Variants in TEK observed in about 807,000 individuals in gnomAD.
TEK encodes the protein TEK receptor tyrosine kinase.
In TEK, 43 loss-of-function variants were observed where a neutral mutation model predicts 131.8. The observed-to-expected ratio is 0.33, with a 90% CI of 0.26 to 0.42. TEK has a LOEUF of 0.42. TEK is among the 10% of genes least tolerant of loss of function. The probability of loss-of-function intolerance (pLI) is 1.00; values close to 1 mark genes in which losing one functional copy is unlikely to be tolerated. For missense variants in TEK, 1,162 were observed against 1,384.4 expected (o/e 0.84, Z 2.55); for synonymous variants, 580 against 491.6 (o/e 1.18, Z -2.38).
chr9:27,139,883 A>G (rs906150623), intron 1 of TEK, among the ~76,000 whole-genome samples: 8 of 152,178 alleles, frequency 5.3e-5, no homozygotes, highest in Non-Finnish European at 1.0e-4. Flanking sequence ...TTGTTAAAAG[A>G]GTGAAATAAT....
intron 12 of TEK, among the ~76,000 whole-genome samples, chr9:27,201,313 CTT>C (rs762972108): frequency 3.3e-5 from 5 of 152,144 alleles, no homozygotes; most frequent in Non-Finnish European, 5.9e-5. Context: ...TTCTAACAAG[CTT>C]CTAAAAGACA....
At chr9:27,217,369 C>G (rs907666245) in intron 18 of TEK, among the ~76,000 whole-genome samples, 1 of 152,162 alleles carries the variant, frequency 6.6e-6, no homozygotes, top group South Asian at 2.1e-4. Flanking sequence ...TAAATTCTCA[C>G]TCAGTGTCTA....
rs368257484 is a variant in TEK, at chr9:27,116,234, G to A, written c.52+6592G>A. On this transcript the variant is annotated intron_variant, in intron 1 of 22. Coordinates refer to ENST00000380036, the MANE Select transcript of TEK (RefSeq NM_000459.5). ...CCATTCAGTGTGCTGAATGGAGGTG[G>A]GCTGGGATAAGGCAAATAATTATTT... Among the ~76,000 whole-genome samples, 4 of 152,268 alleles carry A rather than the reference G, an allele frequency of 2.6e-5. No individual in the cohort carries two copies. In the East Asian group the frequency reaches 7.7e-4, roughly 29 times the overall value.
chr9:27,174,533 A>T (rs1208439980), intron 6 of TEK, among the ~76,000 whole-genome samples: 1 of 152,204 alleles, frequency 6.6e-6, no homozygotes, highest in Non-Finnish European at 1.5e-5. Context: ...TCCCTTTTTC[A>T]TAGTAAGTCT....
In TEK at chr9:27,209,190, A is replaced by C; in HGVS notation, c.2645A>C (p.His882Pro). ...GAAGTTCTTTGTAAACTTGGACACCATCCAAACATCATCAATCTCTTAGGA... is the reference window on the plus strand; with the variant it reads ...GAAGTTCTTTGTAAACTTGGACACCCTCCAAACATCATCAATCTCTTAGGA... ...ELEVLCKLGH[H>P]PNIINLLGAC... is the part of the protein sequence containing the mutation. The change falls in exon 16 of 23, where the codon CAT (histidine) becomes CCT (proline). Residue 882 changes from histidine to proline, a missense_variant. Physicochemically the swap from His to Pro is moderately conservative, Grantham distance 77. This residue lies in a region of TEK where 57 missense variants were observed against 100.8 expected (regional missense o/e 0.57). Coordinates refer to ENST00000380036, the MANE Select transcript of TEK (RefSeq NM_000459.5). 6.2e-7 allele frequency: 1 copy of C among 1,614,106 alleles called. No individual in the cohort carries two copies. The highest frequency in any genetic ancestry group is 8.5e-7 in the Non-Finnish European group (1 of 1,179,944).
chr9:27,140,142 A>G (rs956511887), intron 1 of TEK, among the ~76,000 whole-genome samples: 1 of 152,216 alleles, frequency 6.6e-6, no homozygotes, highest in African/African-American at 2.4e-5. Context: ...TAAGTTAGGC[A>G]AATTCAACTA....
chr9:27,190,422 T>C (rs1586991450), intron 9 of TEK, 107 bp from the exon 10 acceptor site: 3 of 1,405,898 alleles, frequency 2.1e-6, no homozygotes, highest in South Asian at 1.3e-5. Flanking sequence ...CAGAAAACTT[T>C]AAGAGGACTT....
chr9:27,198,535 T>A (rs1195094679), intron 12 of TEK: 2 of 152,250 alleles, frequency 1.3e-5, no homozygotes, highest in Non-Finnish European at 2.9e-5. Context: ...GAATTCTTCA[T>A]ATATAATGTT....
intron 1 of TEK, among the ~76,000 whole-genome samples, chr9:27,116,572 C>G (rs879608188): frequency 6.6e-6 from 1 of 151,752 alleles, no homozygotes; most frequent in Non-Finnish European, 1.5e-5. Flanking sequence ...CGTGAGCCAC[C>G]GCACCTGGCC....
chr9:27,212,912 C>T lies in TEK; in HGVS notation c.2877+15C>T, dbSNP rs1340553659. 5.6e-6 allele frequency: 9 copies of T among 1,612,522 alleles called. No individual in the cohort carries two copies. The highest frequency in any genetic ancestry group is 1.3e-5 in the African/African-American group (1 of 74,886). ...GCCAAAAACAGGTTTGTCCGGAGGA[C>T]TTCGCTTTGGATATCTTTCCTGTGG... On this transcript the variant is annotated intron_variant, in intron 17 of 22. Coordinates refer to ENST00000380036, the MANE Select transcript of TEK (RefSeq NM_000459.5).
At chr9:27,187,086 A>G (rs1399545536) in intron 9 of TEK, among the ~76,000 whole-genome samples, 1 of 152,204 alleles carries the variant, frequency 6.6e-6, no homozygotes, top group Non-Finnish European at 1.5e-5. Flanking sequence ...GCTTCTGGGA[A>G]TGTTTGCTAC....
intron 22 of TEK, 126 bp from the exon 23 acceptor site, chr9:27,229,032 A>G: frequency 2.5e-6 from 2 of 809,638 alleles, no homozygotes; most frequent in South Asian, 2.7e-5. Context: ...AGGACAGAAA[A>G]GTATCCCCCA....
intron 1 of TEK, among the ~76,000 whole-genome samples, chr9:27,114,241 G>C (rs1294160243): frequency 1.3e-5 from 2 of 152,204 alleles, no homozygotes; most frequent in Non-Finnish European, 2.9e-5. Context: ...AAGGAAAAGA[G>C]AACATTGTAG....
chr9:27,149,341 C>T (rs1219312838), intron 1 of TEK, among the ~76,000 whole-genome samples: 1 of 152,206 alleles, frequency 6.6e-6, no homozygotes, highest in Non-Finnish European at 1.5e-5. Context: ...TCCTGAATTT[C>T]AGGGTTTTTT....
chr9:27,199,492 C>T (rs771565656), intron 12 of TEK, among the ~76,000 whole-genome samples: 1 of 152,170 alleles, frequency 6.6e-6, no homozygotes, highest in Non-Finnish European at 1.5e-5. Flanking sequence ...TTATACCCAT[C>T]TCTATGTCTA....
At chr9:27,127,598 C>A (rs1466557543) in intron 1 of TEK, among the ~76,000 whole-genome samples, 1 of 152,226 alleles carries the variant, frequency 6.6e-6, no homozygotes, top group East Asian at 1.9e-4. Flanking sequence ...CTCCCACCAA[C>A]AGTGTAAAAA....
chr9:27,193,164 A>G (rs542581165), intron 11 of TEK, among the ~76,000 whole-genome samples: 6 of 151,832 alleles, frequency 4.0e-5, no homozygotes, highest in Non-Finnish European at 4.4e-5. Context: ...TCCACCCTCC[A>G]CCTCCCAGTC....
In TEK at chr9:27,217,223, A is replaced by G. The variant is rs117647624; in HGVS notation, c.2992-465A>G. On this transcript the variant is annotated intron_variant, in intron 18 of 22. Transcript: ENST00000380036. The stretch of plus-strand genomic sequence containing the variant: ...CCCATCTACCTAATGACACCTAAAC[A>G]TCTTATAGAACCATGCTGGGATATC... 1.5e-4 allele frequency among the ~76,000 whole-genome samples: 23 copies of G among 152,252 alleles called. 2 individuals are homozygous for G. In the East Asian group the frequency reaches 4.1e-3, roughly 27 times the overall value.
At chr9:27,177,623 G>T (rs182636976) in intron 6 of TEK, among the ~76,000 whole-genome samples, 1 of 152,310 alleles carries the variant, frequency 6.6e-6, no homozygotes, top group Non-Finnish European at 1.5e-5. Flanking sequence ...GGTGGTGCAT[G>T]CCTTTAATCC....
Sources: gnomAD v4.1 joint callset for allele counts (sites outside exome capture counted in the v4.1 genomes callset) on GRCh38, gnomAD v4.1.1 for gene constraint, gnomAD v4.1.1 regional missense constraint, MANE v1.5 for transcripts, NCBI Gene and HGNC (gene_info 2026-07-23, HGNC 2026-07-21) for gene names.